GALNT14: variants seen among roughly 807,000 people sequenced by gnomAD.
GALNT14 encodes the protein polypeptide N-acetylgalactosaminyltransferase 14.
GALNT14 carries 60 observed loss-of-function variants against 77.5 expected under a neutral mutation model. The ratio of observed to expected loss-of-function variants is 0.77; its 90% confidence interval spans 0.63 to 0.96. The LOEUF (loss-of-function observed/expected upper bound fraction) is 0.96. Ranked by LOEUF, GALNT14 falls within the 40% of genes least tolerant of loss-of-function variation. The pLI is 0.00. For missense variants in GALNT14, 710 were observed against 731.0 expected (o/e 0.97, Z 0.33); for synonymous variants, 280 against 281.7 (o/e 0.99, Z 0.06).
At chr2:31,094,987 C>T (rs1315840610) in intron 1 of GALNT14, among the ~76,000 whole-genome samples, 1 of 152,076 alleles carries the variant, frequency 6.6e-6, no homozygotes, top group Non-Finnish European at 1.5e-5. Flanking sequence ...GGAGTTGACA[C>T]CCAAGAATAA....
At chr2:31,131,397 C>T (rs1173854745) in intron 1 of GALNT14, among the ~76,000 whole-genome samples, 3 of 152,202 alleles carry the variant, frequency 2.0e-5, no homozygotes, top group Non-Finnish European at 4.4e-5. Context: ...GGTGAGTCTA[C>T]GATTCTAGGT....
At chr2:30,969,582 T>C (rs1446439334) in intron 2 of GALNT14, among the ~76,000 whole-genome samples, 2 of 151,766 alleles carry the variant, frequency 1.3e-5, no homozygotes, top group East Asian at 1.9e-4. Context: ...CTGCCTGGAG[T>C]GGCAAAGATG....
chr2:31,097,120 G>GGATCCTATCTC (rs1162625336), intron 1 of GALNT14, among the ~76,000 whole-genome samples: 9 of 152,094 alleles, frequency 5.9e-5, no homozygotes, highest in Non-Finnish European at 1.2e-4. Context: ...CTGCTTATGT[G>GGATCCTATCTC]AGATAGGATA....
chr2:31,107,220 A>T (rs1677604411), intron 1 of GALNT14, among the ~76,000 whole-genome samples: 1 of 152,190 alleles, frequency 6.6e-6, no homozygotes, highest in African/African-American at 2.4e-5. Context: ...CCCAGGAGGT[A>T]CGTTTCTTCA....
intron 1 of GALNT14, among the ~76,000 whole-genome samples, chr2:31,124,998 T>C (rs1678632084): frequency 6.6e-6 from 1 of 152,206 alleles, no homozygotes; most frequent in African/African-American, 2.4e-5. Flanking sequence ...ATTCAGAGCA[T>C]GGCCAGAGCC....
chr2:31,061,497 C>T (rs1297674391), intron 1 of GALNT14, among the ~76,000 whole-genome samples: 1 of 152,190 alleles, frequency 6.6e-6, no homozygotes, highest in East Asian at 1.9e-4. Flanking sequence ...CTCAAAAATA[C>T]TATCAGAGTG....
chr2:30,994,575 T>C (rs1424644912), intron 1 of GALNT14, among the ~76,000 whole-genome samples: 1 of 152,230 alleles, frequency 6.6e-6, no homozygotes, highest in African/African-American at 2.4e-5. Context: ...TGTCCTGTGA[T>C]ACTGCGGCTA....
intron 6 of GALNT14, 26 bp downstream of exon 6, chr2:30,955,592 C>A (rs372237863): frequency 1.2e-6 from 2 of 1,609,736 alleles, no homozygotes; most frequent in Non-Finnish European, 1.7e-6. Context: ...GCACGAGGCC[C>A]GGCCCTGCTC....
chr2:30,944,073 A>G (rs1279324007), intron 8 of GALNT14, among the ~76,000 whole-genome samples: 1 of 152,136 alleles, frequency 6.6e-6, no homozygotes, highest in East Asian at 1.9e-4. Context: ...ATCTATCCAT[A>G]CACTTCTTAT....
chr2:30,928,791 A>C (rs2148243851), intron 11 of GALNT14, among the ~76,000 whole-genome samples: 1 of 151,898 alleles, frequency 6.6e-6, no homozygotes, highest in Non-Finnish European at 1.5e-5. Context: ...TAATTTTTGT[A>C]TTTTTAGTAG....
In GALNT14 at chr2:31,110,151, G is replaced by GA. The variant is rs141284486; in HGVS notation, c.129+27806dup. ...TTTAATTTCTATACTGCCTTTCTTT[G>GA]AAAAAATATTCCAGGCCTCCGAATA... On this transcript the variant is annotated intron_variant, in intron 1 of 14. Transcript: ENST00000349752. 2.1e-4 allele frequency among the ~76,000 whole-genome samples: 32 copies of GA among 152,076 alleles called. No homozygotes were observed. The East Asian group carries it at 5.8e-3, about 28-fold the overall frequency.
At chr2:30,953,908 G>C (rs772677434) in intron 6 of GALNT14, among the ~76,000 whole-genome samples, 64 of 152,120 alleles carry the variant, frequency 4.2e-4, no homozygotes, top group Non-Finnish European at 6.6e-4. Context: ...TATCATTTCT[G>C]AACACTGAGC....
chr2:31,002,737 C>T (rs1448087695), intron 1 of GALNT14, among the ~76,000 whole-genome samples: 1 of 152,160 alleles, frequency 6.6e-6, no homozygotes, highest in African/African-American at 2.4e-5. Context: ...CTCCCACCTG[C>T]AGAGAATGGA....
At chr2:30,970,352 T>C (rs1291036371) in intron 2 of GALNT14, among the ~76,000 whole-genome samples, 5 of 152,194 alleles carry the variant, frequency 3.3e-5, no homozygotes, top group African/African-American at 1.2e-4. Flanking sequence ...ACACATCATT[T>C]ACCCTCTCTG....
intron 6 of GALNT14, among the ~76,000 whole-genome samples, chr2:30,949,690 TG>T (rs1390382119): frequency 2.0e-5 from 3 of 152,228 alleles, no homozygotes; most frequent in Non-Finnish European, 4.4e-5. Context: ...ACATTGTGAA[TG>T]GGCAATCAAA....
chr2:31,038,575 T>G (rs1672908038), intron 1 of GALNT14, among the ~76,000 whole-genome samples: 3 of 147,180 alleles, frequency 2.0e-5, no homozygotes, highest in Admixed American at 6.8e-5. Context: ...AGGGGGAGGG[T>G]AGGTGTTCCA....
chr2:30,996,832 G>A (rs141794085), intron 1 of GALNT14, among the ~76,000 whole-genome samples: 4 of 152,322 alleles, frequency 2.6e-5, no homozygotes, highest in East Asian at 3.9e-4. Flanking sequence ...TGCACAAAGC[G>A]CAGTCATAGT....
chr2:30,986,289 C>T (rs1305484278), intron 2 of GALNT14, among the ~76,000 whole-genome samples: 3 of 152,344 alleles, frequency 2.0e-5, no homozygotes, highest in East Asian at 3.9e-4. Context: ...CCATGGCTCA[C>T]GAGCTCAGTC....
intron 14 of GALNT14, among the ~76,000 whole-genome samples, chr2:30,911,313 T>C (rs1664344461): frequency 6.6e-6 from 1 of 152,168 alleles, no homozygotes; most frequent in African/African-American, 2.4e-5. Flanking sequence ...GCAATAACTT[T>C]CCAAGCAGTA....
Sources: gnomAD v4.1 joint callset for allele counts (sites outside exome capture counted in the v4.1 genomes callset) on GRCh38, gnomAD v4.1.1 for gene constraint, MANE v1.5 for transcripts, NCBI Gene and HGNC (gene_info 2026-07-23, HGNC 2026-07-21) for gene names.